STXBP5L: variants seen among roughly 807,000 people sequenced by gnomAD.
The protein encoded by STXBP5L is syntaxin binding protein 5L.
In STXBP5L, 65 loss-of-function variants were observed where a neutral mutation model predicts 144.5. The observed-to-expected ratio is 0.45, with a 90% CI of 0.37 to 0.55. The LOEUF is 0.55. Among genes scored for constraint, STXBP5L ranks in the 20% least tolerant of loss-of-function variants. The probability of loss-of-function intolerance (pLI) is 0.00; values close to 1 mark genes in which losing one functional copy is unlikely to be tolerated. For missense variants in STXBP5L, 1,298 were observed against 1,405.5 expected (o/e 0.92, Z 1.22); for synonymous variants, 505 against 469.6 (o/e 1.08, Z -0.97).
intron 5 of STXBP5L, among the ~76,000 whole-genome samples, chr3:121,105,857 T>C (rs1272783478): frequency 6.6e-6 from 1 of 152,172 alleles, no homozygotes; most frequent in Non-Finnish European, 1.5e-5. Flanking sequence ...TTTTTTGTAA[T>C]TAATTTGGAA....
At chr3:121,217,925 C>A (rs1341700981) in intron 10 of STXBP5L, among the ~76,000 whole-genome samples, 1 of 149,336 alleles carries the variant, frequency 6.7e-6, no homozygotes, top group Non-Finnish European at 1.5e-5. Flanking sequence ...GGATTCTCAA[C>A]AGTATTCAGC....
At chr3:121,354,489 G>T (rs1359810899) in intron 20 of STXBP5L, among the ~76,000 whole-genome samples, 1 of 146,112 alleles carries the variant, frequency 6.8e-6, no homozygotes, top group Non-Finnish European at 1.5e-5. Context: ...TTTTGTCAGA[G>T]GCTAGAATTG....
intron 11 of STXBP5L, among the ~76,000 whole-genome samples, chr3:121,226,921 TACTC>T (rs1260220286): frequency 6.6e-6 from 1 of 152,162 alleles, no homozygotes; most frequent in Non-Finnish European, 1.5e-5. Flanking sequence ...AGTTTTTACT[TACTC>T]ACTGTAAAAC....
intron 22 of STXBP5L, among the ~76,000 whole-genome samples, chr3:121,390,387 A>G (rs909500490): frequency 6.6e-6 from 1 of 152,146 alleles, no homozygotes; most frequent in African/African-American, 2.4e-5. Context: ...GCTCATTTAC[A>G]TTTAAGGTTA....
At chr3:121,006,699 T>C (rs1944340498) in intron 3 of STXBP5L, among the ~76,000 whole-genome samples, 1 of 152,202 alleles carries the variant, frequency 6.6e-6, no homozygotes, top group African/African-American at 2.4e-5. Context: ...CAGTTTTTCC[T>C]TTCTATGTTT....
At chr3:121,016,986 A>G (rs1357861820) in intron 3 of STXBP5L, among the ~76,000 whole-genome samples, 1 of 152,208 alleles carries the variant, frequency 6.6e-6, no homozygotes, top group Non-Finnish European at 1.5e-5. Context: ...CATTACCAGA[A>G]AGGAAAACTA....
intron 19 of STXBP5L, among the ~76,000 whole-genome samples, chr3:121,288,865 T>G (rs1027684274): frequency 1.3e-5 from 2 of 152,210 alleles, no homozygotes; most frequent in Non-Finnish European, 2.9e-5. Context: ...TTGTCAATTT[T>G]TGTTTTTGTT....
At chr3:121,278,040 A>G (rs2050939031) in intron 18 of STXBP5L, among the ~76,000 whole-genome samples, 1 of 151,938 alleles carries the variant, frequency 6.6e-6, no homozygotes, top group South Asian at 2.1e-4. Flanking sequence ...CTCTCTGTGC[A>G]GTTTATTTTG....
intron 10 of STXBP5L, among the ~76,000 whole-genome samples, chr3:121,209,369 C>T (rs1293236193): frequency 2.6e-5 from 4 of 152,104 alleles, no homozygotes; most frequent in Non-Finnish European, 4.4e-5. Flanking sequence ...AATGGTGGAA[C>T]TAATTTACAC....
intron 18 of STXBP5L, among the ~76,000 whole-genome samples, chr3:121,268,710 C>T (rs1030534436): frequency 2.6e-5 from 4 of 152,020 alleles, no homozygotes; most frequent in African/African-American, 9.7e-5. Context: ...ACCACGGCCA[C>T]TTTCTAAACA....
chr3:121,276,968 T>C (rs1309824845), intron 18 of STXBP5L, among the ~76,000 whole-genome samples: 1 of 152,014 alleles, frequency 6.6e-6, no homozygotes, highest in Non-Finnish European at 1.5e-5. Context: ...GAAACTCCAA[T>C]TATGGAGTTT....
intron 4 of STXBP5L, among the ~76,000 whole-genome samples, chr3:121,042,796 G>A (rs890331402): frequency 1.3e-5 from 2 of 151,980 alleles, no homozygotes; most frequent in African/African-American, 4.8e-5. Flanking sequence ...ATTGACAAAC[G>A]TAGCATATTT....
chr3:121,012,842 T>C (rs1944882000), intron 3 of STXBP5L, among the ~76,000 whole-genome samples: 1 of 151,748 alleles, frequency 6.6e-6, no homozygotes, highest in African/African-American at 2.4e-5. Flanking sequence ...CCACCTTCCA[T>C]CTTCCCTCCA....
intron 20 of STXBP5L, among the ~76,000 whole-genome samples, chr3:121,370,089 G>A (rs1430451151): frequency 6.6e-6 from 1 of 152,196 alleles, no homozygotes; most frequent in East Asian, 1.9e-4. Flanking sequence ...GTAGTGGCTA[G>A]GCGCAGTGGC....
chr3:121,192,686 A>T (rs974480139), intron 9 of STXBP5L, among the ~76,000 whole-genome samples: 2 of 152,198 alleles, frequency 1.3e-5, no homozygotes, highest in Non-Finnish European at 1.5e-5. Context: ...CAACCATCTC[A>T]TCTTCAACAA....
At chr3:121,299,034 C>A (rs755213665) in intron 19 of STXBP5L, among the ~76,000 whole-genome samples, 1 of 152,194 alleles carries the variant, frequency 6.6e-6, no homozygotes, top group Non-Finnish European at 1.5e-5. Context: ...ACCAACACAA[C>A]AGCATATTTT....
intron 7 of STXBP5L, among the ~76,000 whole-genome samples, chr3:121,128,616 A>T (rs1242782117): frequency 6.6e-6 from 1 of 152,138 alleles, no homozygotes; most frequent in East Asian, 1.9e-4. Context: ...AAATTTAACC[A>T]TCTGGCAATA....
chr3:120,908,601 GC>G (rs1708656871), intron 1 of STXBP5L, among the ~76,000 whole-genome samples: 1 of 151,436 alleles, frequency 6.6e-6, no homozygotes, highest in Non-Finnish European at 1.5e-5. Flanking sequence ...GCGGGCGAGA[GC>G]CCCGCGCCTC....
intron 20 of STXBP5L, among the ~76,000 whole-genome samples, chr3:121,355,343 CT>C (rs2045467485): frequency 6.6e-6 from 1 of 152,208 alleles, no homozygotes; most frequent in Admixed American, 6.5e-5. Context: ...TAGATTTAGT[CT>C]TTTCATATAG....
Sources: allele counts gnomAD v4.1 joint callset (sites outside exome capture counted in the v4.1 genomes callset), GRCh38; gene constraint gnomAD v4.1.1; transcripts MANE v1.5; gene names NCBI Gene and HGNC (gene_info 2026-07-23, HGNC 2026-07-21).